PAFAH1B1: variants seen among roughly 807,000 people sequenced by gnomAD.
PAFAH1B1 encodes platelet activating factor acetylhydrolase 1b regulatory subunit 1.
A neutral mutation model predicts 57.5 loss-of-function variants in PAFAH1B1; 2 were observed. That is an observed-to-expected ratio of 0.03 (90% CI 0.01 to 0.11). The LOEUF is 0.11. PAFAH1B1 is among the 10% of genes least tolerant of loss of function. The pLI, the probability that PAFAH1B1 is intolerant of heterozygous loss-of-function variation, is 1.00. For synonymous variants in PAFAH1B1, 152 were observed against 169.6 expected, an observed-to-expected ratio of 0.90 and a Z score of 0.81; for missense variants, 257 against 512.0, an observed-to-expected ratio of 0.50 and a Z score of 4.81.
intron 1 of PAFAH1B1, among the ~76,000 whole-genome samples, chr17:2,636,762 C>T (rs1049554570): frequency 1.4e-4 from 22 of 151,956 alleles, no homozygotes; most frequent in Non-Finnish European, 2.2e-4. Flanking sequence ...AATTGGGTCT[C>T]GCTTTGTCAC....
chr17:2,615,826 C>G (rs2068332727), intron 1 of PAFAH1B1, among the ~76,000 whole-genome samples: 1 of 152,142 alleles, frequency 6.6e-6, no homozygotes, highest in Non-Finnish European at 1.5e-5. Flanking sequence ...AAGATTGTAC[C>G]TAACATGTTT....
intron 5 of PAFAH1B1, among the ~76,000 whole-genome samples, chr17:2,668,999 C>T (rs2069144955): frequency 6.6e-6 from 1 of 151,910 alleles, no homozygotes; most frequent in South Asian, 2.1e-4. Flanking sequence ...GTCAAATTGT[C>T]AAGGTATTTT....
chr17:2,667,403 G>A, intron 5 of PAFAH1B1: 1 of 521,150 alleles, frequency 1.9e-6, no homozygotes, highest in East Asian at 3.5e-5. Flanking sequence ...CTATGAAGAG[G>A]GACAGGAGGT....
chr17:2,684,414 TATTA>T lies in PAFAH1B1; in HGVS notation c.*2616_*2619del, dbSNP rs2098488285. The T allele has an allele frequency of 6.6e-6, 1 of 152,670 alleles. No homozygotes were observed. Among genetic ancestry groups the T allele is most frequent in the Non-Finnish European group, 1.5e-5 (1 of 68,062 alleles). 9.5% of individuals were successfully genotyped at this position (152,670 alleles called of 1,614,324 possible). A position where few individuals can be genotyped will look rare whatever the true frequency, so the allele number is the denominator to read the frequency against. ...GTTTGGATTGTAAGTAGAGGACTTT[TATTA>T]ATTGGTTTAGAGGTTCACTGCTGCT... On this transcript the variant is annotated 3_prime_UTR_variant, in exon 11 of 11. Transcript: ENST00000397195.
chr17:2,606,721 T>C (rs181696283), intron 1 of PAFAH1B1, among the ~76,000 whole-genome samples: 1 of 151,962 alleles, frequency 6.6e-6, no homozygotes, highest in East Asian at 1.9e-4. Flanking sequence ...TGTTAAATGT[T>C]AAAAGTACCT....
intron 6 of PAFAH1B1, 145 bp downstream of exon 6, chr17:2,670,476 G>A (rs2069166525): frequency 2.5e-6 from 2 of 800,228 alleles, no homozygotes; most frequent in East Asian, 5.1e-5. Flanking sequence ...GATAGTCCAG[G>A]GATAAGCCAC....
At chr17:2,620,354 T>C (rs1349002652) in intron 1 of PAFAH1B1, among the ~76,000 whole-genome samples, 1 of 152,230 alleles carries the variant, frequency 6.6e-6, no homozygotes, top group East Asian at 1.9e-4. Context: ...TCTAATTCTC[T>C]TTACTTTTTG....
At chr17:2,652,668 C>T (rs977439914) in intron 2 of PAFAH1B1, among the ~76,000 whole-genome samples, 5 of 152,296 alleles carry the variant, frequency 3.3e-5, no homozygotes, top group South Asian at 2.1e-4. Flanking sequence ...TCACGTTGTA[C>T]ATGGGAATGT....
At chr17:2,640,847 C>T (rs760280153) in intron 2 of PAFAH1B1, 5 of 152,118 alleles carry the variant, frequency 3.3e-5, no homozygotes, top group African/African-American at 1.2e-4. Context: ...GGTCATCTGC[C>T]CCTCAGTTTT....
At chr17:2,614,149 C>T (rs1394097098) in intron 1 of PAFAH1B1, among the ~76,000 whole-genome samples, 4 of 149,828 alleles carry the variant, frequency 2.7e-5, no homozygotes, top group Non-Finnish European at 4.4e-5. Context: ...CCACCTTAGC[C>T]TCCTGAGTAG....
intron 1 of PAFAH1B1, among the ~76,000 whole-genome samples, chr17:2,601,019 A>G (rs191827514): frequency 1.1e-4 from 16 of 152,282 alleles, no homozygotes; most frequent in Non-Finnish European, 2.1e-4. Flanking sequence ...GGCATGAGCT[A>G]TCATGCCTGG....
intron 9 of PAFAH1B1, among the ~76,000 whole-genome samples, chr17:2,679,499 T>C (rs1012886767): frequency 7.8e-6 from 1 of 128,524 alleles, no homozygotes; most frequent in Admixed American, 7.7e-5. Context: ...GATGGATGGA[T>C]GATTGGATGG....
intron 1 of PAFAH1B1, chr17:2,613,234 C>A (rs555020767): frequency 1.5e-4 from 26 of 176,768 alleles, no homozygotes; most frequent in African/African-American, 5.2e-4. Context: ...AGTGGTGGCT[C>A]CTGGGAGTTT....
At chr17:2,666,111 T>C (rs763058698) in intron 4 of PAFAH1B1, 21 bp downstream of exon 4, 11 of 1,446,358 alleles carry the variant, frequency 7.6e-6, no homozygotes, top group Middle Eastern at 2.4e-4. Context: ...CTTTTTTCTT[T>C]AAAATTAGTT....
At position 2,602,250 on chromosome 17, in the gene PAFAH1B1, T is replaced by C. The variant is rs1194191415; in HGVS notation, c.-191+8244T>C. Reference sequence around the variant, plus strand: ...TTAAAGAGAAATTATCTCCACCTACTGAAAAAAAAAACAAAACAGCGAGGG... The same window carrying C: ...TTAAAGAGAAATTATCTCCACCTACCGAAAAAAAAAACAAAACAGCGAGGG... On this transcript the variant is annotated intron_variant, in intron 1 of 10. Transcript: ENST00000397195. Among the ~76,000 whole-genome samples, 4 of 140,926 alleles carry C rather than the reference T, an allele frequency of 2.8e-5. No homozygotes were observed. The East Asian group carries it at 8.1e-4, about 29-fold the overall frequency. The allele number at this position is 140,926 out of a possible 152,430, so 92.5% of individuals were successfully genotyped here. A position where few individuals can be genotyped will look rare whatever the true frequency, so the allele number is the denominator to read the frequency against.
At chr17:2,631,182 A>G (rs1440118593) in intron 1 of PAFAH1B1, among the ~76,000 whole-genome samples, 1 of 152,106 alleles carries the variant, frequency 6.6e-6, no homozygotes, top group Non-Finnish European at 1.5e-5. Context: ...CAGAGGCTGC[A>G]GTGAGCCAAG....
intron 1 of PAFAH1B1, among the ~76,000 whole-genome samples, chr17:2,609,166 C>T (rs2068237933): frequency 6.6e-6 from 1 of 152,170 alleles, no homozygotes; most frequent in Non-Finnish European, 1.5e-5. Flanking sequence ...TTACAGCTGC[C>T]TTCTTGAATT....
At position 2,680,144 on chromosome 17, in the gene PAFAH1B1, A is replaced by G; in HGVS notation, c.1003-20A>G. Reference sequence around the variant, plus strand: ...AACATTTTGCCTTTTACTGAGTCAAATAACTTTTTTGTTTTTAAGGTGGGT... The same window carrying G: ...AACATTTTGCCTTTTACTGAGTCAAGTAACTTTTTTGTTTTTAAGGTGGGT... On this transcript the variant is annotated intron_variant, in intron 9 of 10. Transcript: ENST00000397195. 2 of 1,612,710 alleles carry G rather than the reference A, an allele frequency of 1.2e-6. No homozygotes were observed. Among genetic ancestry groups the G allele is most frequent in the South Asian group, 1.1e-5 (1 of 91,038 alleles).
chr17:2,634,956 A>AGTTT lies in PAFAH1B1; in HGVS notation c.-190-3141_-190-3138dup, dbSNP rs557030499. 5.8e-4 allele frequency among the ~76,000 whole-genome samples: 89 copies of AGTTT among 152,258 alleles called. 1 individual carries two copies. The highest frequency in any genetic ancestry group is 1.9e-3 in the African/African-American group (80 of 41,540). ...GGCCGGCGGATCACTTGAAGTCAGGAGTTTGAGACCAGCCTGGCCAACATG... is the reference window on the plus strand; with the variant it reads ...GGCCGGCGGATCACTTGAAGTCAGGAGTTTGTTTGAGACCAGCCTGGCCAACATG... On this transcript the variant is annotated intron_variant, in intron 1 of 10. Coordinates refer to ENST00000397195, the MANE Select transcript of PAFAH1B1 (RefSeq NM_000430.4).
Sources: gnomAD v4.1 joint callset for allele counts (sites outside exome capture counted in the v4.1 genomes callset) on GRCh38, gnomAD v4.1.1 for gene constraint, MANE v1.5 for transcripts, NCBI Gene and HGNC (gene_info 2026-07-23, HGNC 2026-07-21) for gene names.